Variants in SNX31 observed in about 807,000 individuals in gnomAD.
SNX31 encodes sorting nexin-31.
Under a neutral mutation model 65.4 loss-of-function variants are expected in SNX31, and 58 were observed. The observed-to-expected ratio is 0.89, with a 90% CI of 0.72 to 1.10. The LOEUF (loss-of-function observed/expected upper bound fraction) is 1.10, where lower values mean the gene tolerates loss of function less well. Among genes scored for constraint, SNX31 ranks in the 50% least tolerant of loss-of-function variants. SNX31 has a pLI of 0.00. For synonymous variants in SNX31, 181 were observed against 190.1 expected (o/e 0.95, Z 0.39); for missense variants, 523 against 529.7 (o/e 0.99, Z 0.12).
chr8:100,615,930 C>T (rs1036034465), intron 5 of SNX31, among the ~76,000 whole-genome samples: 2 of 151,566 alleles, frequency 1.3e-5, no homozygotes, highest in African/African-American at 4.9e-5. Context: ...CCACCACGCC[C>T]GGCTAATTTT....
At chr8:100,621,156 AC>A (rs1457002359) in intron 4 of SNX31, among the ~76,000 whole-genome samples, 2 of 151,998 alleles carry the variant, frequency 1.3e-5, no homozygotes, top group Non-Finnish European at 2.9e-5. Flanking sequence ...AAAAACAAAA[AC>A]CAAAAAATAA....
intron 3 of SNX31, among the ~76,000 whole-genome samples, chr8:100,632,783 C>T (rs73274561): frequency 6.6e-6 from 1 of 151,322 alleles, no homozygotes; most frequent in Admixed American, 6.6e-5. Context: ...AAAAAAAATA[C>T]AGAGATGAGA....
At chr8:100,581,229 G>A (rs1161864103) in intron 12 of SNX31, among the ~76,000 whole-genome samples, 1 of 151,518 alleles carries the variant, frequency 6.6e-6, no homozygotes, top group African/African-American at 2.4e-5. Flanking sequence ...AGTCTGGGAA[G>A]TTGAGGCTGC....
intron 2 of SNX31, 22 bp from the exon 3 acceptor site, chr8:100,636,033 G>A: frequency 6.3e-7 from 1 of 1,583,882 alleles, no homozygotes; most frequent in African/African-American, 1.3e-5. Flanking sequence ...AGGAAACACA[G>A]TTAAGGCAGG....
At chr8:100,617,891 A>G (rs560648569) in intron 4 of SNX31, among the ~76,000 whole-genome samples, 161 bp from the exon 5 acceptor site, 11 of 151,848 alleles carry the variant, frequency 7.2e-5, no homozygotes, top group Non-Finnish European at 5.9e-5. Context: ...CAGCCTCCCA[A>G]GTAGCTGGGA....
upstream of SNX31, among the ~76,000 whole-genome samples, chr8:100,649,867 C>T (rs117308211): frequency 6.6e-6 from 1 of 152,328 alleles, no homozygotes; most frequent in Non-Finnish European, 1.5e-5. Context: ...TACCTGCCAA[C>T]GCTGCCTGCA....
At chr8:100,583,610 ATTGAG>A (rs1813754851) in intron 12 of SNX31, among the ~76,000 whole-genome samples, 1 of 152,190 alleles carries the variant, frequency 6.6e-6, no homozygotes, top group South Asian at 2.1e-4. Context: ...TTAATTTTAT[ATTGAG>A]GAAAAAAAAT....
In SNX31 at chr8:100,637,021, G is replaced by A. The variant is rs542770780; in HGVS notation, c.142-1010C>T. The stretch of plus-strand genomic sequence containing the variant: ...CAGGCGTGAGCCACCACACCCGGCC[G>A]GGTGACTCACATTATATTTCTATTG... On this transcript the variant is annotated intron_variant, in intron 2 of 13. Coordinates refer to ENST00000311812, the MANE Select transcript of SNX31 (RefSeq NM_152628.4). Among the ~76,000 whole-genome samples, 7 of 152,060 alleles carry A rather than the reference G, an allele frequency of 4.6e-5. No individual in the cohort carries two copies. In the South Asian group the frequency reaches 1.0e-3, roughly 23 times the overall value.
Position 100,588,913 on chromosome 8 carries a change from A to G in SNX31, c.1045T>C (p.Tyr349His), listed in dbSNP as rs376702352. 1 of 1,613,938 alleles carries G rather than the reference A, an allele frequency of 6.2e-7. No individual in the cohort carries two copies. The highest frequency in any genetic ancestry group is 1.3e-5 in the African/African-American group (1 of 74,908). Residue 349 changes from tyrosine to histidine, a missense_variant, in exon 11 of 14, where the codon TAC becomes CAC. Physicochemically the swap from Tyr to His is moderately conservative, Grantham distance 83. Transcript: ENST00000311812. The surrounding 1 kb of genome is among the most constrained non-coding windows in gnomAD (Gnocchi z 4.8). ...CACTGCCAGCAACTATCCTCACTGT[A>G]TTGAAATCTGAGCTCTAAGTTCTGG... is the stretch of plus-strand genomic sequence containing the variant. Reference protein sequence around the residue: ...LNQNLELRFQYSEDSCWQWFV... With the variant: ...LNQNLELRFQHSEDSCWQWFV...
intron 1 of SNX31, among the ~76,000 whole-genome samples, chr8:100,659,776 G>A (rs1166986940): frequency 6.6e-6 from 1 of 152,040 alleles, no homozygotes; most frequent in Non-Finnish European, 1.5e-5. Flanking sequence ...TACAATTTTA[G>A]TTTATATCTT....
chr8:100,603,965 T>C (rs1815903318), intron 8 of SNX31, among the ~76,000 whole-genome samples: 1 of 152,228 alleles, frequency 6.6e-6, no homozygotes, highest in African/African-American at 2.4e-5. Flanking sequence ...CTCAAACTCC[T>C]AATCTCAGGT....
At chr8:100,577,532 A>G (rs1045289277) in intron 12 of SNX31, among the ~76,000 whole-genome samples, 4 of 152,260 alleles carry the variant, frequency 2.6e-5, no homozygotes, top group Non-Finnish European at 5.9e-5. Context: ...TAAACCCAAT[A>G]TACCAGCAGG....
chr8:100,605,221 C>T (rs751023500), intron 8 of SNX31, among the ~76,000 whole-genome samples: 2 of 152,084 alleles, frequency 1.3e-5, no homozygotes, highest in Non-Finnish European at 1.5e-5. Flanking sequence ...TTCACATATC[C>T]CAGACACCCA....
Position 100,614,188 on chromosome 8 carries a change from C to T in SNX31, c.433-1103G>A, listed in dbSNP as rs1051545073. On this transcript the variant is annotated intron_variant, in intron 5 of 13. Transcript: ENST00000311812. This position sits in a 1 kb window ranked among gnomAD's most constrained non-coding sequence, Gnocchi z 5.1. The stretch of plus-strand genomic sequence containing the variant: ...TCCCCTTCTTTCTGTCTCTCTCTTT[C>T]CCCCATGTTTTGGGCTGCAAAACAC... Among the ~76,000 whole-genome samples the T allele has an allele frequency of 6.6e-6, 1 of 152,178 alleles. No homozygotes were observed. Among genetic ancestry groups the T allele is most frequent in the South Asian group, 2.1e-4 (1 of 4,824 alleles).
chr8:100,589,503 G>A (rs1053109357), intron 10 of SNX31, among the ~76,000 whole-genome samples: 4 of 152,170 alleles, frequency 2.6e-5, no homozygotes, highest in African/African-American at 9.7e-5. Flanking sequence ...CAGGCTAGGA[G>A]GGCAAAGGAA....
intron 10 of SNX31, among the ~76,000 whole-genome samples, chr8:100,593,388 A>G (rs1358906658): frequency 6.6e-6 from 1 of 152,120 alleles, no homozygotes; most frequent in Non-Finnish European, 1.5e-5. Context: ...GAGCAACTGG[A>G]CCTCCAGAGG....
At chr8:100,580,871 TA>T (rs1352035907) in intron 12 of SNX31, among the ~76,000 whole-genome samples, 1 of 152,200 alleles carries the variant, frequency 6.6e-6, no homozygotes, top group Non-Finnish European at 1.5e-5. Context: ...TATTTTTAAA[TA>T]AAGCAATCCT....
chr8:100,607,501 T>G (rs1586927257), intron 8 of SNX31, among the ~76,000 whole-genome samples: 1 of 152,190 alleles, frequency 6.6e-6, no homozygotes, highest in Non-Finnish European at 1.5e-5. Flanking sequence ...ATTTTCAGGG[T>G]CTACCTAGTG....
intron 11 of SNX31, among the ~76,000 whole-genome samples, chr8:100,585,233 A>G (rs962550801): frequency 1.3e-5 from 2 of 151,870 alleles, no homozygotes; most frequent in African/African-American, 4.8e-5. Flanking sequence ...CTCCTTTCCC[A>G]CTTATCCTTT....
Sources: gnomAD v4.1 joint callset for allele counts (sites outside exome capture counted in the v4.1 genomes callset) on GRCh38, gnomAD v4.1.1 for gene constraint, Gnocchi (gnomAD v3.1) non-coding constraint, MANE v1.5 for transcripts, NCBI Gene and HGNC (gene_info 2026-07-23, HGNC 2026-07-21) for gene names.